RSF1: variants seen among roughly 807,000 people sequenced by gnomAD.
The protein encoded by RSF1 is HBV pX-associated protein 8.
A neutral mutation model predicts 145.2 loss-of-function variants in RSF1; 13 were observed. The ratio of observed to expected loss-of-function variants is 0.09; its 90% CI spans 0.06 to 0.14. RSF1 has a LOEUF of 0.14. RSF1 is among the 10% of genes least tolerant of loss of function. The pLI, the probability that RSF1 is intolerant of heterozygous loss-of-function variation, is 1.00. For missense variants in RSF1, 1,517 were observed against 1,718.2 expected, an observed-to-expected ratio of 0.88 and a Z score of 2.07; for synonymous variants, 577 against 592.6, an observed-to-expected ratio of 0.97 and a Z score of 0.38.
intron 5 of RSF1, among the ~76,000 whole-genome samples, chr11:77,721,747 A>G (rs1306748510): frequency 6.6e-6 from 1 of 152,222 alleles, no homozygotes; most frequent in Admixed American, 6.5e-5. Flanking sequence ...CAAGGATTTT[A>G]GTCCTTCTTT....
At chr11:77,786,683 C>T (rs1948459922) in intron 1 of RSF1, among the ~76,000 whole-genome samples, 1 of 152,064 alleles carries the variant, frequency 6.6e-6, no homozygotes, top group South Asian at 2.1e-4. Context: ...CATATTACAT[C>T]AAGATGGTGG....
chr11:77,870,809 TATAG>T, the RSF1 span, among the ~76,000 whole-genome samples: 9 of 152,218 alleles, frequency 5.9e-5, no homozygotes, highest in Admixed American at 2.6e-4. Context: ...CACTTACACA[TATAG>T]ATATACGTTT....
chr11:77,693,065 A>C (rs564034227), intron 8 of RSF1, among the ~76,000 whole-genome samples: 1 of 152,342 alleles, frequency 6.6e-6, no homozygotes, highest in East Asian at 1.9e-4. Flanking sequence ...CTGATTCTTC[A>C]GTTTCTAAAA....
chr11:77,757,009 G>A (rs1948122824), intron 2 of RSF1, among the ~76,000 whole-genome samples: 1 of 152,130 alleles, frequency 6.6e-6, no homozygotes, highest in Non-Finnish European at 1.5e-5. Context: ...AAACAGAGAG[G>A]AAACACTAAC....
chr11:77,853,091 G>A, the RSF1 span, among the ~76,000 whole-genome samples: 1 of 152,174 alleles, frequency 6.6e-6, no homozygotes, highest in Non-Finnish European at 1.5e-5. Context: ...AAATGTAAAT[G>A]TAGATTTGTT....
chr11:77,773,661 A>C (rs1189634449), intron 1 of RSF1, among the ~76,000 whole-genome samples: 1 of 152,156 alleles, frequency 6.6e-6, no homozygotes, highest in African/African-American at 2.4e-5. Context: ...TGTTACTCAA[A>C]ATGTAATATG....
the RSF1 span, among the ~76,000 whole-genome samples, chr11:77,857,844 G>A: frequency 2.6e-4 from 40 of 151,928 alleles, no homozygotes; most frequent in East Asian, 2.3e-3. Flanking sequence ...CGACAGGTGC[G>A]CACCACCATG....
intron 4 of RSF1, among the ~76,000 whole-genome samples, chr11:77,732,911 T>C (rs992729078): frequency 6.6e-6 from 1 of 152,256 alleles, no homozygotes. Flanking sequence ...AATCAAACAG[T>C]ATGTGCTTCT....
At chr11:77,703,997 A>T (rs528814064) in intron 5 of RSF1, among the ~76,000 whole-genome samples, 115 of 152,324 alleles carry the variant, frequency 7.5e-4, no homozygotes, top group African/African-American at 2.7e-3. Context: ...TACTATCTTT[A>T]AAAATAACTT....
intron 1 of RSF1, among the ~76,000 whole-genome samples, chr11:77,782,951 G>C (rs188543991): frequency 1.3e-5 from 2 of 152,178 alleles, no homozygotes; most frequent in Admixed American, 1.3e-4. Flanking sequence ...CTATTATTTT[G>C]TTCATATACA....
intron 1 of RSF1, among the ~76,000 whole-genome samples, chr11:77,809,587 T>C (rs781568877): frequency 1.2e-4 from 19 of 152,174 alleles, no homozygotes; most frequent in Non-Finnish European, 2.4e-4. Context: ...ACAGTCAAAA[T>C]TCATAGGACA....
At chr11:77,785,629 T>C (rs1462788118) in intron 1 of RSF1, among the ~76,000 whole-genome samples, 1 of 150,186 alleles carries the variant, frequency 6.7e-6, no homozygotes, top group African/African-American at 2.4e-5. Flanking sequence ...ATTAAAGATG[T>C]GTACTTGAGC....
At chr11:77,871,980 T>C in the RSF1 span, among the ~76,000 whole-genome samples, 1 of 152,232 alleles carries the variant, frequency 6.6e-6, no homozygotes, top group African/African-American at 2.4e-5. Context: ...GCATGGGTAT[T>C]ATGATACCTC....
At chr11:77,681,220 T>C (rs1467835319) in intron 11 of RSF1, among the ~76,000 whole-genome samples, 1 of 152,186 alleles carries the variant, frequency 6.6e-6, no homozygotes, top group African/African-American at 2.4e-5. Context: ...TAACACAGAT[T>C]ATCCCTTTAA....
chr11:77,860,656 T>C, the RSF1 span, among the ~76,000 whole-genome samples: 4 of 152,220 alleles, frequency 2.6e-5, no homozygotes, highest in South Asian at 8.3e-4. Flanking sequence ...GCCAAATAGA[T>C]GGGGGCTGTC....
chr11:77,810,451 C>CA (rs1441395558), intron 1 of RSF1, among the ~76,000 whole-genome samples: 2 of 152,202 alleles, frequency 1.3e-5, no homozygotes, highest in African/African-American at 4.8e-5. Context: ...AATACTAAAA[C>CA]AGTTGGATGT....
Position 77,779,972 on chromosome 11 carries a change from T to G in RSF1, c.188-15283A>C, listed in dbSNP as rs534537259. ...CATCCCCTCCCATCATGGGGTTCAA[T>G]TTAGATGTTGCTTCCTTTGGAAATC... On this transcript the variant is annotated intron_variant, in intron 1 of 15. Coordinates refer to ENST00000308488, the MANE Select transcript of RSF1 (RefSeq NM_016578.4). 1.4e-3 allele frequency among the ~76,000 whole-genome samples: 207 copies of G among 152,340 alleles called. 1 individual carries two copies. The highest frequency in any genetic ancestry group is 3.3e-3 in the African/African-American group (138 of 41,586).
intron 7 of RSF1, among the ~76,000 whole-genome samples, chr11:77,698,250 T>C (rs1281056206): frequency 6.6e-6 from 1 of 152,090 alleles, no homozygotes; most frequent in East Asian, 1.9e-4. Context: ...GAGATTGAGG[T>C]GTATTATTAT....
At chr11:77,819,906 T>C (rs1948832867) in intron 1 of RSF1, among the ~76,000 whole-genome samples, 1 of 151,382 alleles carries the variant, frequency 6.6e-6, no homozygotes, top group African/African-American at 2.4e-5. Context: ...ACCTCCCCAC[T>C]TCAAGGAAGG....
Sources: gnomAD v4.1 joint callset for allele counts (sites outside exome capture counted in the v4.1 genomes callset) on GRCh38, gnomAD v4.1.1 for gene constraint, MANE v1.5 for transcripts, NCBI Gene and HGNC (gene_info 2026-07-23, HGNC 2026-07-21) for gene names.